The following TVP23A variants were observed in gnomAD, a reference collection of about 807,000 sequenced individuals.
TVP23A encodes Golgi apparatus membrane protein TVP23 homolog A.
In TVP23A, 21 loss-of-function variants were observed where a neutral mutation model predicts 31.7. The observed-to-expected ratio is 0.66, with a 90% CI of 0.47 to 0.95. TVP23A has a LOEUF of 0.95. Ranked by LOEUF, TVP23A falls within the 40% of genes least tolerant of loss-of-function variation. TVP23A has a pLI of 0.00. For missense variants in TVP23A, 279 were observed against 255.6 expected, an observed-to-expected ratio of 1.09 and a Z score of -0.62; for synonymous variants, 104 against 96.0, an observed-to-expected ratio of 1.08 and a Z score of -0.49.
rs1449551236 is a variant in TVP23A, at chr16:10,807,165, C to A, written c.89+10938G>T. ...CTCACTCATTGAGGTGAGCAGAACTCCTGGAAAATCAACAAAGAAAAACTA... is the reference window on the plus strand; with the variant it reads ...CTCACTCATTGAGGTGAGCAGAACTACTGGAAAATCAACAAAGAAAAACTA... On this transcript the variant is annotated intron_variant, in intron 2 of 7. Coordinates refer to ENST00000299866, the MANE Select transcript of TVP23A (RefSeq NM_001079512.4). Among the ~76,000 whole-genome samples, 5 of 152,150 alleles carry A rather than the reference C, an allele frequency of 3.3e-5. No individual in the cohort carries two copies. In the East Asian group the frequency reaches 9.6e-4, roughly 29 times the overall value.
intron 2 of TVP23A, among the ~76,000 whole-genome samples, chr16:10,816,882 AAAAT>A (rs1438975554): frequency 1.3e-5 from 2 of 151,120 alleles, no homozygotes; most frequent in African/African-American, 2.4e-5. Flanking sequence ...ATAATAATAA[AAAAT>A]AAATAAAATA....
At chr16:10,760,617 G>C (rs920859978), downstream of TVP23A, among the ~76,000 whole-genome samples, 1 of 152,226 alleles carries the variant, frequency 6.6e-6, no homozygotes, top group Non-Finnish European at 1.5e-5. Context: ...CATGCCTGTA[G>C]TCCCAGCTAC....
intron 2 of TVP23A, among the ~76,000 whole-genome samples, chr16:10,781,234 C>G (rs1178874732): frequency 2.0e-5 from 3 of 151,570 alleles, no homozygotes; most frequent in Admixed American, 6.6e-5. Context: ...GAGGCTGAGA[C>G]AGGAGGATCG....
chr16:10,794,938 A>T lies in TVP23A; in HGVS notation c.90-19842T>A, dbSNP rs577130236. On this transcript the variant is annotated intron_variant, in intron 2 of 7. Transcript: ENST00000299866. ...GGCTTAACCACAGAGAGCTAGTAAC[A>T]CAGGCGACCCGAGGCAGTGGCCTCT... is the stretch of plus-strand genomic sequence containing the variant. Among the ~76,000 whole-genome samples, 11 of 152,192 alleles carry T rather than the reference A, an allele frequency of 7.2e-5. No homozygotes were observed. The South Asian group carries it at 2.3e-3, about 32-fold the overall frequency.
At position 10,767,486 on chromosome 16, in the gene TVP23A, G is replaced by A. The variant is rs1223356630; in HGVS notation, c.*1616C>T. 3.7e-5 allele frequency: 13 copies of A among 351,102 alleles called. No individual in the cohort carries two copies. Among genetic ancestry groups the A allele is most frequent in the South Asian group, 1.4e-4 (1 of 7,080 alleles). 21.7% of individuals were successfully genotyped at this position (351,102 alleles called of 1,614,324 possible). On this transcript the variant is annotated 3_prime_UTR_variant, in exon 8 of 8. Coordinates refer to ENST00000299866, the MANE Select transcript of TVP23A (RefSeq NM_001079512.4). The surrounding 1 kb of genome is among the most constrained non-coding windows in gnomAD (Gnocchi z 4.6). Reference sequence around the variant, plus strand: ...TATGAGAGTGTGTGTATGTGTGTGCGCACACATGCAAGTGTGCACATTTAT... The same window carrying A: ...TATGAGAGTGTGTGTATGTGTGTGCACACACATGCAAGTGTGCACATTTAT...
chr16:10,818,568 G>A lies in TVP23A; in HGVS notation c.-75C>T, dbSNP rs1056484676. On this transcript the variant is annotated 5_prime_UTR_variant, in exon 1 of 8. Transcript: ENST00000299866. The surrounding 1 kb of genome is among the most constrained non-coding windows in gnomAD (Gnocchi z 4.7). ...CCCGTCGCCGCTGAAGGGGTCGGAC[G>A]CCGGGCGGGCGGATGTAGGCAGCAG... 5.8e-6 allele frequency: 9 copies of A among 1,543,226 alleles called. No homozygotes were observed. The African/African-American group carries it at 1.1e-4, about 19-fold the overall frequency.
At chr16:10,809,362 C>A (rs58817852) in intron 2 of TVP23A, among the ~76,000 whole-genome samples, 1 of 152,192 alleles carries the variant, frequency 6.6e-6, no homozygotes, top group Non-Finnish European at 1.5e-5. Context: ...AGAGGCTCCA[C>A]GAGGACTGTT....
chr16:10,774,197 C>T (rs779308910), intron 3 of TVP23A, 69 bp from the exon 4 acceptor site: 3 of 1,205,516 alleles, frequency 2.5e-6, no homozygotes, highest in Non-Finnish European at 3.5e-6. Flanking sequence ...TATTGATAAA[C>T]AAAAGTTCCT....
intron 2 of TVP23A, among the ~76,000 whole-genome samples, chr16:10,808,295 C>A (rs1329100744): frequency 1.3e-5 from 2 of 152,134 alleles, no homozygotes; most frequent in Non-Finnish European, 2.9e-5. Flanking sequence ...CTTTTGTATC[C>A]AATGGCAGAT....
chr16:10,771,894 C>G, intron 5 of TVP23A, 96 bp from the exon 6 acceptor site: 19 of 1,466,450 alleles, frequency 1.3e-5, no homozygotes, highest in Non-Finnish European at 1.7e-5. Context: ...TCTCAGCTCA[C>G]TGCAAGTTCC....
chr16:10,787,108 G>A (rs1486135953), intron 2 of TVP23A, among the ~76,000 whole-genome samples: 1 of 152,102 alleles, frequency 6.6e-6, no homozygotes, highest in Non-Finnish European at 1.5e-5. Context: ...CCCTGCACCT[G>A]GCCAGCGTGG....
At chr16:10,769,888 G>A (rs61693851) in intron 7 of TVP23A, among the ~76,000 whole-genome samples, 7,815 of 152,254 alleles carry the variant, frequency 0.051, 678 homozygotes, top group African/African-American at 0.18. Context: ...CCACGTGGGA[G>A]AAGAGTAAAT....
intron 2 of TVP23A, among the ~76,000 whole-genome samples, chr16:10,798,470 G>C (rs1596550429): frequency 6.6e-6 from 1 of 152,144 alleles, no homozygotes; most frequent in Non-Finnish European, 1.5e-5. Flanking sequence ...CTTTGGGATG[G>C]GACCTGTGGT....
chr16:10,785,841 C>T (rs1417440982), intron 2 of TVP23A, among the ~76,000 whole-genome samples: 1 of 152,190 alleles, frequency 6.6e-6, no homozygotes, highest in Non-Finnish European at 1.5e-5. Context: ...GCTCTGGCCC[C>T]CTGGCTCCCA....
At chr16:10,814,787 C>T (rs1360960658) in intron 2 of TVP23A, among the ~76,000 whole-genome samples, 2 of 152,220 alleles carry the variant, frequency 1.3e-5, no homozygotes, top group East Asian at 1.9e-4. Context: ...CCGTGCTGCA[C>T]AGCACAGATA....
chr16:10,758,612 T>C (rs1900733865), downstream of TVP23A, among the ~76,000 whole-genome samples: 1 of 152,186 alleles, frequency 6.6e-6, no homozygotes, highest in African/African-American at 2.4e-5. Flanking sequence ...TTGAGGAAAC[T>C]AGGGAAACCA....
intron 2 of TVP23A, among the ~76,000 whole-genome samples, chr16:10,793,110 G>C (rs1010207931): frequency 6.6e-6 from 1 of 152,048 alleles, no homozygotes; most frequent in Non-Finnish European, 1.5e-5. Flanking sequence ...GCAACATAGC[G>C]AAACCCTGTC....
downstream of TVP23A, chr16:10,761,823 C>T: frequency 6.2e-7 from 1 of 1,614,084 alleles, no homozygotes; most frequent in South Asian, 1.1e-5. Flanking sequence ...CTTGGAGGTC[C>T]CTCTCCTCGG....
At chr16:10,785,090 C>T (rs1186081665) in intron 2 of TVP23A, among the ~76,000 whole-genome samples, 1 of 137,906 alleles carries the variant, frequency 7.3e-6, no homozygotes, top group Non-Finnish European at 1.5e-5. Context: ...AAGCGAGACT[C>T]CGTCTCAAAA....
Sources: gnomAD v4.1 joint callset for allele counts (sites outside exome capture counted in the v4.1 genomes callset) on GRCh38, gnomAD v4.1.1 for gene constraint, Gnocchi (gnomAD v3.1) non-coding constraint, MANE v1.5 for transcripts, NCBI Gene and HGNC (gene_info 2026-07-23, HGNC 2026-07-21) for gene names.